The following FAM53B variants were observed in gnomAD, a reference collection of about 807,000 sequenced individuals.
The protein encoded by FAM53B is protein FAM53B.
FAM53B carries 12 observed loss-of-function variants against 32.7 expected under a neutral mutation model. The observed-to-expected ratio is 0.37, with a 90% confidence interval of 0.24 to 0.59. The LOEUF (loss-of-function observed/expected upper bound fraction) is 0.59, where lower values mean the gene tolerates loss of function less well. Among genes scored for constraint, FAM53B ranks in the 20% least tolerant of loss-of-function variants. The probability of loss-of-function intolerance (pLI) is 0.72; values close to 1 mark genes in which losing one functional copy is unlikely to be tolerated. For missense variants in FAM53B, 477 were observed against 577.7 expected, an observed-to-expected ratio of 0.83 and a Z score of 1.79; for synonymous variants, 234 against 228.7, an observed-to-expected ratio of 1.02 and a Z score of -0.21.
chr10:124,731,648 C>T (rs943832154), intron 1 of FAM53B, among the ~76,000 whole-genome samples: 4 of 151,808 alleles, frequency 2.6e-5, no homozygotes, highest in Non-Finnish European at 1.5e-5. Context: ...GTTCTGGAGC[C>T]CATCCCACCA....
chr10:124,743,294 C>G (rs1416679650), intron 1 of FAM53B, among the ~76,000 whole-genome samples: 1 of 152,232 alleles, frequency 6.6e-6, no homozygotes, highest in Non-Finnish European at 1.5e-5. Flanking sequence ...CTTGCAAAAT[C>G]CAAGACTAGC....
At chr10:124,707,240 CTCTACAGGCAGCT>C (rs1457456379) in intron 1 of FAM53B, among the ~76,000 whole-genome samples, 1 of 152,192 alleles carries the variant, frequency 6.6e-6, no homozygotes, top group Non-Finnish European at 1.5e-5. Flanking sequence ...ACTAAGCTGG[CTCTACAGGCAGCT>C]TCAGCACACA....
intron 4 of FAM53B, among the ~76,000 whole-genome samples, chr10:124,662,416 G>A (rs552909773): frequency 5.8e-4 from 88 of 152,078 alleles, no homozygotes; most frequent in African/African-American, 2.0e-3. Context: ...GAGTTCGTTC[G>A]TCCGTCCATC....
At chr10:124,708,800 C>A (rs1050327748) in intron 1 of FAM53B, among the ~76,000 whole-genome samples, 1 of 152,254 alleles carries the variant, frequency 6.6e-6, no homozygotes, top group African/African-American at 2.4e-5. Context: ...TGCCTGTTCC[C>A]TCCTCCCCCA....
chr10:124,725,617 C>T (rs1950096800), intron 1 of FAM53B, among the ~76,000 whole-genome samples: 1 of 152,184 alleles, frequency 6.6e-6, no homozygotes, highest in Non-Finnish European at 1.5e-5. Context: ...TCTGGGAAAC[C>T]AAAAGCTCAA....
intron 1 of FAM53B, among the ~76,000 whole-genome samples, chr10:124,737,384 T>G (rs2134105503): frequency 6.6e-6 from 1 of 151,916 alleles, no homozygotes; most frequent in African/African-American, 2.4e-5. Context: ...CCATTGGGAC[T>G]GGGGGGTGGG....
rs757048325 is a variant in FAM53B at position 124,706,709 on chromosome 10, A to G, written c.5T>C (p.Val2Ala). The stretch of plus-strand genomic sequence containing the variant: ...GCTGAGGCTTTCACTTAGGACCATC[A>G]CCATGATAAGGGCCTCAGGCGCTGG... M[V>A]MVLSESLSTR... is the part of the protein sequence containing the mutation. Residue 2 changes from valine to alanine, a missense_variant, in exon 2 of 5, where the codon GTG becomes GCG. Transcript: ENST00000337318. 1 of 1,614,110 alleles carries G rather than the reference A, an allele frequency of 6.2e-7. No homozygotes were observed. The highest frequency in any genetic ancestry group is 2.2e-5 in the East Asian group (1 of 44,868).
Position 124,620,700 on chromosome 10 carries a change from G to C in FAM53B, c.*2542C>G, listed in dbSNP as rs1350758616. 3 of 152,498 alleles carry C rather than the reference G, an allele frequency of 2.0e-5. No homozygotes were observed. Among genetic ancestry groups the C allele is most frequent in the Non-Finnish European group, 4.4e-5 (3 of 68,244 alleles). 9.4% of individuals were successfully genotyped at this position (152,498 alleles called of 1,614,324 possible). A position where few individuals can be genotyped will look rare whatever the true frequency, so the allele number is the denominator to read the frequency against. ...CTGCTCCGGGCAGTGTGGCAGCTTG[G>C]ATGATGGGGTGGCACCTTATAGATA... On this transcript the variant is annotated 3_prime_UTR_variant, in exon 5 of 5. Transcript: ENST00000337318.
chr10:124,744,348 G>C lies in FAM53B; in HGVS notation c.-510C>G, dbSNP rs1390137621. On this transcript the variant is annotated 5_prime_UTR_variant, in exon 1 of 5. Transcript: ENST00000337318. ...CGGCGGCGTGCAGGAGGCAGGCGGC[G>C]TGCGGCGGCGGCGGCAGGCGAGTGT... 6.7e-6 allele frequency: 1 copy of C among 148,294 alleles called. No homozygotes were observed. Among genetic ancestry groups the C allele is most frequent in the East Asian group, 1.9e-4 (1 of 5,142 alleles). The allele number at this position is 148,294 out of a possible 1,614,324, so 9.2% of individuals were successfully genotyped here.
At chr10:124,719,774 G>C (rs1950058078) in intron 1 of FAM53B, among the ~76,000 whole-genome samples, 1 of 152,162 alleles carries the variant, frequency 6.6e-6, no homozygotes, top group South Asian at 2.1e-4. Context: ...AACCAAATGT[G>C]GACTGGCCTT....
At chr10:124,712,932 C>G (rs1214748508) in intron 1 of FAM53B, among the ~76,000 whole-genome samples, 1 of 152,248 alleles carries the variant, frequency 6.6e-6, no homozygotes, top group South Asian at 2.1e-4. Flanking sequence ...CTCCCAAGTC[C>G]TCACCCCAAG....
At chr10:124,686,698 C>A (rs1949805063) in intron 3 of FAM53B, among the ~76,000 whole-genome samples, 1 of 152,250 alleles carries the variant, frequency 6.6e-6, no homozygotes, top group Non-Finnish European at 1.5e-5. Flanking sequence ...CAGTGCCTAG[C>A]ACAGAGCAGG....
In FAM53B at chr10:124,733,414, C is replaced by G. The variant is rs549891860; in HGVS notation, c.-175+10599G>C. Among the ~76,000 whole-genome samples the G allele has an allele frequency of 3.9e-4, 59 of 152,316 alleles. No homozygotes were observed. Among genetic ancestry groups the G allele is most frequent in the Non-Finnish European group, 6.9e-4 (47 of 68,032 alleles). ...CTCGAGTGTCTGTGTCAGCAGCTTC[C>G]CCCTGCCTTTGAGAACACTAGTGAG... On this transcript the variant is annotated intron_variant, in intron 1 of 4. Transcript: ENST00000337318. The surrounding 1 kb of genome is among the most constrained non-coding windows in gnomAD (Gnocchi z 4.3).
intron 1 of FAM53B, among the ~76,000 whole-genome samples, chr10:124,740,396 T>C (rs1186219274): frequency 6.6e-6 from 1 of 152,232 alleles, no homozygotes; most frequent in Non-Finnish European, 1.5e-5. Context: ...TAAATTGCTT[T>C]TGAATATGGA....
chr10:124,672,677 G>A (rs1949713663), intron 4 of FAM53B, among the ~76,000 whole-genome samples: 2 of 152,270 alleles, frequency 1.3e-5, no homozygotes, highest in South Asian at 2.1e-4. Context: ...TTCAGAATGC[G>A]CAGCCACTTT....
chr10:124,723,952 T>C (rs951463890), intron 1 of FAM53B, among the ~76,000 whole-genome samples: 4 of 152,218 alleles, frequency 2.6e-5, no homozygotes, highest in African/African-American at 7.2e-5. Flanking sequence ...CTGGGCATTA[T>C]TTCCTCCCGG....
At chr10:124,705,967 A>C (rs1438165060) in intron 2 of FAM53B, among the ~76,000 whole-genome samples, 2 of 152,198 alleles carry the variant, frequency 1.3e-5, no homozygotes, top group African/African-American at 2.4e-5. Context: ...ACTGCTTATG[A>C]CTGAGTGTGG....
chr10:124,659,645 AC>A (rs1269660599), intron 4 of FAM53B, among the ~76,000 whole-genome samples: 1 of 152,070 alleles, frequency 6.6e-6, no homozygotes, highest in Admixed American at 6.5e-5. Flanking sequence ...AACCATCCCC[AC>A]CCTTATTTTC....
At chr10:124,694,256 T>G (rs1589753162) in intron 3 of FAM53B, among the ~76,000 whole-genome samples, 2 of 152,250 alleles carry the variant, frequency 1.3e-5, no homozygotes, top group Admixed American at 1.3e-4. Flanking sequence ...AGAGCCACTC[T>G]GTAAACAGGA....
Sources: allele counts gnomAD v4.1 joint callset (sites outside exome capture counted in the v4.1 genomes callset), GRCh38; gene constraint gnomAD v4.1.1; non-coding constraint Gnocchi (gnomAD v3.1); transcripts MANE v1.5; gene names NCBI Gene and HGNC (gene_info 2026-07-23, HGNC 2026-07-21).